NCAM2: variants seen among roughly 807,000 people sequenced by gnomAD.
The protein encoded by NCAM2 is neural cell adhesion molecule 2.
A neutral mutation model predicts 98.1 loss-of-function variants in NCAM2; 30 were observed. The ratio of observed to expected loss-of-function variants is 0.31; its 90% CI spans 0.23 to 0.41. NCAM2 has a LOEUF of 0.41. Ranked by LOEUF, NCAM2 falls within the 10% of genes least tolerant of loss-of-function variation. The probability of loss-of-function intolerance (pLI) is 1.00; values close to 1 mark genes in which losing one functional copy is unlikely to be tolerated. For missense variants in NCAM2, 867 were observed against 1,005.8 expected, an observed-to-expected ratio of 0.86 and a Z score of 1.87; for synonymous variants, 368 against 342.4, an observed-to-expected ratio of 1.07 and a Z score of -0.83.
chr21:21,172,758 T>C (rs1452068726), intron 1 of NCAM2, among the ~76,000 whole-genome samples: 2 of 152,138 alleles, frequency 1.3e-5, no homozygotes, highest in Non-Finnish European at 2.9e-5. Flanking sequence ...TAACTGAAAA[T>C]TGGACACATA....
At chr21:21,109,159 A>T (rs975444140) in intron 1 of NCAM2, among the ~76,000 whole-genome samples, 1 of 152,286 alleles carries the variant, frequency 6.6e-6, no homozygotes, top group Admixed American at 6.5e-5. Flanking sequence ...GGGGAAAAAA[A>T]TCTTGGCTTT....
Position 21,216,548 on chromosome 21 carries a change from A to G in NCAM2, c.56-64030A>G, listed in dbSNP as rs553764756. The stretch of plus-strand genomic sequence containing the variant: ...CTTGCTCTCTGAGTTGAACTTCTCC[A>G]TACAAAACTACAGCTTGCCCCAGTA... On this transcript the variant is annotated intron_variant, in intron 1 of 17. Transcript: ENST00000400546. Among the ~76,000 whole-genome samples, 4 of 152,336 alleles carry G rather than the reference A, an allele frequency of 2.6e-5. No homozygotes were observed. The East Asian group carries it at 7.7e-4, about 29-fold the overall frequency.
At chr21:21,229,664 C>G (rs897461129) in intron 1 of NCAM2, among the ~76,000 whole-genome samples, 2 of 151,374 alleles carry the variant, frequency 1.3e-5, no homozygotes, top group Non-Finnish European at 3.0e-5. Context: ...ATTTCATTAT[C>G]TCATTATCTC....
intron 3 of NCAM2, among the ~76,000 whole-genome samples, chr21:21,284,960 C>T (rs898048964): frequency 6.6e-6 from 1 of 151,600 alleles, no homozygotes; most frequent in Non-Finnish European, 1.5e-5. Flanking sequence ...GTTCCTTTCT[C>T]CTCCTTATAT....
chr21:21,351,598 CT>C (rs992824614), intron 8 of NCAM2, among the ~76,000 whole-genome samples: 11 of 151,968 alleles, frequency 7.2e-5, no homozygotes, highest in Non-Finnish European at 1.5e-4. Flanking sequence ...TTAAACCATG[CT>C]TTTTTTCAAA....
chr21:21,249,128 C>T (rs575648264), intron 1 of NCAM2, among the ~76,000 whole-genome samples: 2 of 152,092 alleles, frequency 1.3e-5, no homozygotes, highest in South Asian at 2.1e-4. Context: ...ACTAATGTTA[C>T]CTAGAATCTA....
intron 1 of NCAM2, among the ~76,000 whole-genome samples, chr21:21,118,592 T>A (rs2066610865): frequency 6.6e-6 from 1 of 152,204 alleles, no homozygotes; most frequent in Non-Finnish European, 1.5e-5. Context: ...ACCGTAACTC[T>A]TAAACAAAGG....
intron 1 of NCAM2, among the ~76,000 whole-genome samples, chr21:21,035,908 A>G (rs974271456): frequency 1.3e-5 from 2 of 152,190 alleles, no homozygotes; most frequent in African/African-American, 4.8e-5. Context: ...TCTGTGGCCT[A>G]TAGCAATTTA....
In NCAM2 at chr21:21,107,953, A is replaced by G. The variant is rs573227991; in HGVS notation, c.55+109335A>G. Among the ~76,000 whole-genome samples, 71 of 152,238 alleles carry G rather than the reference A, an allele frequency of 4.7e-4. 1 individual carries two copies. The highest frequency in any genetic ancestry group is 1.7e-3 in the African/African-American group (70 of 41,572). ...TGGATATTATCTAGTTTTGTTCTAC[A>G]ATTTATTAATATGTATTTGAATATT... On this transcript the variant is annotated intron_variant, in intron 1 of 17. Transcript: ENST00000400546.
intron 1 of NCAM2, among the ~76,000 whole-genome samples, chr21:21,104,396 A>T (rs755420717): frequency 6.6e-6 from 1 of 152,114 alleles, no homozygotes; most frequent in Admixed American, 6.6e-5. Context: ...GTTTTCTAGT[A>T]CCTATTTTTT....
At chr21:21,207,325 A>G (rs1402227320) in intron 1 of NCAM2, among the ~76,000 whole-genome samples, 1 of 152,160 alleles carries the variant, frequency 6.6e-6, no homozygotes, top group Non-Finnish European at 1.5e-5. Flanking sequence ...GCAGAATGTT[A>G]TCTGTCTTGG....
chr21:21,250,589 C>A (rs1027616571), intron 1 of NCAM2, among the ~76,000 whole-genome samples: 5 of 152,042 alleles, frequency 3.3e-5, no homozygotes, highest in Non-Finnish European at 7.4e-5. Flanking sequence ...CAGGTGGAGA[C>A]CCCTGCAAAT....
chr21:21,088,970 C>CA (rs202042269), intron 1 of NCAM2, among the ~76,000 whole-genome samples: 13,869 of 138,618 alleles, frequency 0.1, 920 homozygotes, highest in African/African-American at 0.18. Context: ...AACTCTGTCT[C>CA]AAAAAAAAAA....
At chr21:21,132,471 GCT>G (rs1311093933) in intron 1 of NCAM2, among the ~76,000 whole-genome samples, 2 of 151,506 alleles carry the variant, frequency 1.3e-5, no homozygotes, top group Admixed American at 6.6e-5. Flanking sequence ...AAGAGGGATT[GCT>G]CTGTCTACCA....
At chr21:21,479,588 A>G (rs1392656712) in intron 15 of NCAM2, among the ~76,000 whole-genome samples, 2 of 125,398 alleles carry the variant, frequency 1.6e-5, no homozygotes, top group Non-Finnish European at 3.6e-5. Context: ...CGTCTCAAAA[A>G]AAAAAAAAAA....
intron 1 of NCAM2, among the ~76,000 whole-genome samples, chr21:21,174,846 A>C (rs62207656): frequency 3.3e-5 from 5 of 152,114 alleles, no homozygotes; most frequent in African/African-American, 4.8e-5. Context: ...CTGAGAGGAT[A>C]TGTTTTGAGC....
At chr21:21,181,183 T>C (rs929842695) in intron 1 of NCAM2, among the ~76,000 whole-genome samples, 15 of 152,196 alleles carry the variant, frequency 9.9e-5, no homozygotes, top group African/African-American at 3.6e-4. Context: ...GTCTTGAGAT[T>C]TGCTGAAATA....
At chr21:21,207,214 A>C (rs1185363224) in intron 1 of NCAM2, among the ~76,000 whole-genome samples, 2 of 152,166 alleles carry the variant, frequency 1.3e-5, no homozygotes, top group Non-Finnish European at 2.9e-5. Flanking sequence ...GTTAAAATAA[A>C]ATTTGTCTTA....
At chr21:21,179,981 G>T (rs2146902111) in intron 1 of NCAM2, among the ~76,000 whole-genome samples, 1 of 152,300 alleles carries the variant, frequency 6.6e-6, no homozygotes, top group African/African-American at 2.4e-5. Context: ...ACGCTGGACT[G>T]CCAGACAGTC....
Sources: allele counts gnomAD v4.1 joint callset (sites outside exome capture counted in the v4.1 genomes callset), GRCh38; gene constraint gnomAD v4.1.1; transcripts MANE v1.5; gene names NCBI Gene and HGNC (gene_info 2026-07-23, HGNC 2026-07-21).